Variants in CCDC178 observed in about 807,000 individuals in gnomAD.
CCDC178 encodes coiled-coil domain containing 178.
Under a neutral mutation model 117.4 loss-of-function variants are expected in CCDC178, and 126 were observed. That is an observed-to-expected ratio of 1.07 (90% CI 0.93 to 1.24). The LOEUF is 1.24. Ranked by LOEUF, CCDC178 falls within the 50% of genes most tolerant of loss-of-function variation. The pLI, the probability that CCDC178 is intolerant of heterozygous loss-of-function variation, is 0.00. For synonymous variants in CCDC178, 283 were observed against 313.4 expected (o/e 0.90, Z 1.02); for missense variants, 1,030 against 986.9 (o/e 1.04, Z -0.59).
intron 6 of CCDC178, among the ~76,000 whole-genome samples, chr18:33,363,694 T>G (rs1453055426): frequency 6.6e-6 from 1 of 152,064 alleles, no homozygotes; most frequent in Non-Finnish European, 1.5e-5. Flanking sequence ...ACTTTTCACT[T>G]TAGTTCATAG....
chr18:33,070,531 G>A (rs1331292452), intron 21 of CCDC178, among the ~76,000 whole-genome samples: 1 of 151,534 alleles, frequency 6.6e-6, no homozygotes, highest in East Asian at 1.9e-4. Flanking sequence ...GAAGGTGTAG[G>A]GTTACAGAGG....
intron 21 of CCDC178, among the ~76,000 whole-genome samples, chr18:32,998,342 CT>C (rs1157198346): frequency 1.3e-5 from 2 of 152,102 alleles, no homozygotes; most frequent in African/African-American, 4.8e-5. Flanking sequence ...TCCAGCAAGC[CT>C]CGCCACTGTG....
At chr18:33,015,524 C>T (rs1369797011) in intron 21 of CCDC178, among the ~76,000 whole-genome samples, 1 of 151,912 alleles carries the variant, frequency 6.6e-6, no homozygotes, top group African/African-American at 2.4e-5. Flanking sequence ...GAGATCGCAC[C>T]ACTGCACTCT....
intron 21 of CCDC178, among the ~76,000 whole-genome samples, chr18:33,012,245 G>A (rs1377375806): frequency 6.6e-6 from 1 of 152,070 alleles, no homozygotes; most frequent in Non-Finnish European, 1.5e-5. Flanking sequence ...TTTAGCACAG[G>A]CTTTTGCATG....
chr18:32,966,117 A>G (rs2054808855), intron 22 of CCDC178, among the ~76,000 whole-genome samples: 2 of 151,842 alleles, frequency 1.3e-5, no homozygotes, highest in South Asian at 2.1e-4. Flanking sequence ...GTATATAAAT[A>G]TACAAAATAG....
intron 2 of CCDC178, among the ~76,000 whole-genome samples, chr18:33,424,364 C>T (rs1445747769): frequency 6.6e-6 from 1 of 152,170 alleles, no homozygotes; most frequent in Non-Finnish European, 1.5e-5. Context: ...ATTTTGAACT[C>T]ACTTAATGTC....
intron 22 of CCDC178, among the ~76,000 whole-genome samples, chr18:32,963,865 T>A (rs1465561161): frequency 6.6e-6 from 1 of 152,090 alleles, no homozygotes; most frequent in Non-Finnish European, 1.5e-5. Flanking sequence ...ATTGTGGGAA[T>A]CCCTAAAATA....
At chr18:33,071,972 T>C (rs753343059) in intron 21 of CCDC178, among the ~76,000 whole-genome samples, 3 of 152,154 alleles carry the variant, frequency 2.0e-5, no homozygotes, top group Non-Finnish European at 4.4e-5. Context: ...ATTTTTCTTA[T>C]TATAATATTA....
intron 20 of CCDC178, among the ~76,000 whole-genome samples, chr18:33,190,963 T>G (rs1038675929): frequency 1.3e-5 from 2 of 152,208 alleles, no homozygotes; most frequent in African/African-American, 4.8e-5. Flanking sequence ...AGCAATTTGC[T>G]TCTCACTTGC....
At chr18:33,225,221 G>A (rs555926652) in intron 16 of CCDC178, among the ~76,000 whole-genome samples, 26 of 151,760 alleles carry the variant, frequency 1.7e-4, no homozygotes, top group African/African-American at 6.3e-4. Context: ...GGAGTTCAGT[G>A]GCATAATCTC....
chr18:33,414,019 T>G (rs1036507942), intron 2 of CCDC178, among the ~76,000 whole-genome samples: 1 of 152,176 alleles, frequency 6.6e-6, no homozygotes, highest in African/African-American at 2.4e-5. Flanking sequence ...AAAATGACTA[T>G]GTAACCAAAA....
chr18:33,154,744 T>C (rs1037652330), intron 20 of CCDC178, among the ~76,000 whole-genome samples: 1 of 152,142 alleles, frequency 6.6e-6, no homozygotes, highest in African/African-American at 2.4e-5. Flanking sequence ...AAGAATTCAA[T>C]GTGTTTCTAA....
chr18:33,238,406 G>A (rs1364386992), intron 15 of CCDC178, among the ~76,000 whole-genome samples: 1 of 151,878 alleles, frequency 6.6e-6, no homozygotes, highest in Non-Finnish European at 1.5e-5. Flanking sequence ...ATAAAATCAG[G>A]AAACAATTTA....
intron 14 of CCDC178, among the ~76,000 whole-genome samples, chr18:33,257,441 C>T (rs1273495837): frequency 6.6e-6 from 1 of 152,078 alleles, no homozygotes; most frequent in Non-Finnish European, 1.5e-5. Flanking sequence ...TTTGAAGCCA[C>T]TAAAATTTAA....
At chr18:33,384,519 T>C (rs776850007) in intron 5 of CCDC178, among the ~76,000 whole-genome samples, 10 of 152,130 alleles carry the variant, frequency 6.6e-5, no homozygotes, top group Non-Finnish European at 1.5e-4. Flanking sequence ...TACCTCTCCA[T>C]GGAAACCCTA....
intron 21 of CCDC178, among the ~76,000 whole-genome samples, chr18:33,087,772 T>C (rs1283766496): frequency 2.6e-5 from 4 of 152,192 alleles, no homozygotes; most frequent in Non-Finnish European, 1.5e-5. Context: ...CACAGTTATA[T>C]GGTGTGCAGG....
chr18:33,237,523 C>T lies in CCDC178; in HGVS notation c.1593+7722G>A, dbSNP rs566520826. Among the ~76,000 whole-genome samples the T allele has an allele frequency of 3.9e-5, 6 of 152,244 alleles. No individual in the cohort carries two copies. In the East Asian group the frequency reaches 1.2e-3, roughly 30 times the overall value. ...CAGCTGATCAGCTTTGTGCCCATGT[C>T]GACTCGATAAACAGCCTCTTGTCCC... is the stretch of plus-strand genomic sequence containing the variant. On this transcript the variant is annotated intron_variant, in intron 15 of 22. Coordinates refer to ENST00000383096, the MANE Select transcript of CCDC178 (RefSeq NM_001105528.4).
chr18:32,948,456 C>T (rs1248641692), intron 22 of CCDC178, among the ~76,000 whole-genome samples: 1 of 152,060 alleles, frequency 6.6e-6, no homozygotes, highest in Admixed American at 6.5e-5. Context: ...GCATTGTCTT[C>T]TTAGTTTCAA....
intron 19 of CCDC178, among the ~76,000 whole-genome samples, chr18:33,213,376 C>G (rs138902810): frequency 0.015 from 2,327 of 152,060 alleles, 41 homozygotes; most frequent in Admixed American, 0.023. Context: ...TTTCATCTAT[C>G]TTGCCCTGGT....
Sources: gnomAD v4.1 joint callset for allele counts (sites outside exome capture counted in the v4.1 genomes callset) on GRCh38, gnomAD v4.1.1 for gene constraint, MANE v1.5 for transcripts, NCBI Gene and HGNC (gene_info 2026-07-23, HGNC 2026-07-21) for gene names.